GAS7: variants seen among roughly 807,000 people sequenced by gnomAD.
GAS7 encodes the protein growth arrest-specific protein 7.
In GAS7, 28 loss-of-function variants were observed where a neutral mutation model predicts 71.1. That is an observed-to-expected ratio of 0.39 (90% CI 0.29 to 0.54). The LOEUF (loss-of-function observed/expected upper bound fraction) is 0.54, where lower values mean the gene tolerates loss of function less well. GAS7 is among the 20% of genes least tolerant of loss of function. The pLI, the probability that GAS7 is intolerant of heterozygous loss-of-function variation, is 0.62. For missense variants in GAS7, 436 were observed against 627.8 expected (o/e 0.69, Z 3.27); for synonymous variants, 258 against 245.8 (o/e 1.05, Z -0.46).
In GAS7 at chr17:9,910,980, G is replaced by A. The variant is rs1597421327; in HGVS notation, c.*6248C>T. The A allele has an allele frequency of 4.3e-6, 1 of 232,582 alleles. No individual in the cohort carries two copies. Among genetic ancestry groups the A allele is most frequent in the East Asian group, 6.1e-5 (1 of 16,430 alleles). 14.4% of individuals were successfully genotyped at this position (232,582 alleles called of 1,614,324 possible). A position where few individuals can be genotyped will look rare whatever the true frequency, so the allele number is the denominator to read the frequency against. On this transcript the variant is annotated 3_prime_UTR_variant, in exon 14 of 14. Coordinates refer to ENST00000432992, the MANE Select transcript of GAS7 (RefSeq NM_201433.2). ...TACAGAAAACAGATCAAACAAGCAA[G>A]TTTATTTTGTTAGAAAATTCCACTT...
intron 1 of GAS7, among the ~76,000 whole-genome samples, chr17:10,077,418 G>A (rs1226702858): frequency 1.3e-5 from 2 of 152,204 alleles, no homozygotes; most frequent in African/African-American, 4.8e-5. Context: ...TAAATGGCAA[G>A]GACTTAGCAT....
chr17:9,986,494 C>A (rs370598067), intron 2 of GAS7, among the ~76,000 whole-genome samples: 3 of 152,292 alleles, frequency 2.0e-5, no homozygotes, highest in African/African-American at 7.2e-5. Flanking sequence ...TGCTGGTCCC[C>A]GTTCCTCTCC....
intron 1 of GAS7, among the ~76,000 whole-genome samples, chr17:10,144,306 C>T (rs573847463): frequency 5.5e-4 from 83 of 152,254 alleles, no homozygotes; most frequent in African/African-American, 2.0e-3. Context: ...CCCAGGAGGA[C>T]AGGTGAGCCT....
chr17:10,065,662 G>A (rs180980528), intron 1 of GAS7, among the ~76,000 whole-genome samples: 38 of 152,286 alleles, frequency 2.5e-4, no homozygotes, highest in African/African-American at 8.2e-4. Flanking sequence ...GATCCTTAAC[G>A]TCATTGTACC....
At chr17:9,968,671 C>T (rs887260) in intron 4 of GAS7, among the ~76,000 whole-genome samples, 72,360 of 152,010 alleles carry the variant, frequency 0.48, 17,297 homozygotes, top group African/African-American at 0.5. Flanking sequence ...TTAAGAACCA[C>T]GGTCTCAGAT....
In GAS7 at chr17:9,987,144, G is replaced by A. The variant is rs141875745; in HGVS notation, c.305-5260C>T. Among the ~76,000 whole-genome samples the A allele has an allele frequency of 2.4e-3, 359 of 152,280 alleles. 2 individuals are homozygous for A. Among genetic ancestry groups the A allele is most frequent in the African/African-American group, 7.9e-3 (330 of 41,560 alleles). ...TGAGACCCTTCTGCATTCTCTGGAC[G>A]TCCATCCCTGTGGTCTTAGGTCATC... On this transcript the variant is annotated intron_variant, in intron 2 of 13. Coordinates refer to ENST00000432992, the MANE Select transcript of GAS7 (RefSeq NM_201433.2).
chr17:9,992,873 C>T (rs937885955), intron 2 of GAS7, among the ~76,000 whole-genome samples: 5 of 151,034 alleles, frequency 3.3e-5, no homozygotes, highest in Non-Finnish European at 5.9e-5. Flanking sequence ...TTTGTCCTTG[C>T]GATAGTTTAC....
chr17:9,933,616 G>A (rs1597476192), intron 9 of GAS7, among the ~76,000 whole-genome samples: 1 of 152,128 alleles, frequency 6.6e-6, no homozygotes, highest in South Asian at 2.1e-4. Context: ...GTAGAGGCAG[G>A]AAGACTGCTT....
rs567665220 is a variant in GAS7, at chr17:10,115,936, A to G, written c.183+82272T>C. Among the ~76,000 whole-genome samples, 3 of 152,336 alleles carry G rather than the reference A, an allele frequency of 2.0e-5. No homozygotes were observed. The South Asian group carries it at 6.2e-4, about 32-fold the overall frequency. ...GCTCTCCCAAACAGATCATCCAACC[A>G]GGACTTCTGAGACTTAGAAGCCCTA... On this transcript the variant is annotated intron_variant, in intron 1 of 13. Transcript: ENST00000432992.
At chr17:10,189,733 G>A (rs904026224) in intron 1 of GAS7, among the ~76,000 whole-genome samples, 1 of 152,162 alleles carries the variant, frequency 6.6e-6, no homozygotes, top group Non-Finnish European at 1.5e-5. Flanking sequence ...GAGGCCAGGA[G>A]TTGGAGACCA....
intron 1 of GAS7, among the ~76,000 whole-genome samples, chr17:10,143,017 A>T (rs1458969082): frequency 6.9e-4 from 2 of 2,884 alleles, no homozygotes; most frequent in Non-Finnish European, 1.7e-3. Context: ...CTAAAAATAC[A>T]AAAAAAAAAA....
intron 3 of GAS7, among the ~76,000 whole-genome samples, chr17:9,978,303 T>C (rs866176241): frequency 1.3e-5 from 2 of 150,036 alleles, no homozygotes; most frequent in South Asian, 2.1e-4. Flanking sequence ...ATGGGGAAAA[T>C]GAGGCCTGGC....
rs566517413 is a variant in GAS7, at chr17:10,053,731, G to A, written c.184-33834C>T. On this transcript the variant is annotated intron_variant, in intron 1 of 13. Transcript: ENST00000432992. ...TCCTCCAGCCCTCTCCGCAGGTACCGACTCTGCCTGGAGGGGCACGGCAGT... is the reference window on the plus strand; with the variant it reads ...TCCTCCAGCCCTCTCCGCAGGTACCAACTCTGCCTGGAGGGGCACGGCAGT... Among the ~76,000 whole-genome samples the A allele has an allele frequency of 2.0e-5, 3 of 152,274 alleles. No individual in the cohort carries two copies. The South Asian group carries it at 6.2e-4, about 32-fold the overall frequency.
At chr17:10,188,146 G>A (rs2074470270) in intron 1 of GAS7, among the ~76,000 whole-genome samples, 1 of 152,028 alleles carries the variant, frequency 6.6e-6, no homozygotes, top group African/African-American at 2.4e-5. Flanking sequence ...GGGAGGCGGA[G>A]GCAGGGGAAT....
chr17:9,914,358 T>C lies in GAS7; in HGVS notation c.*2870A>G, dbSNP rs757814333. The stretch of plus-strand genomic sequence containing the variant: ...TCTACTGCCTCAGCCTGCCGAATAG[T>C]TGGGACTACAGGTGTGCACCACCAC... On this transcript the variant is annotated 3_prime_UTR_variant, in exon 14 of 14. Coordinates refer to ENST00000432992, the MANE Select transcript of GAS7 (RefSeq NM_201433.2). 23 of 182,524 alleles carry C rather than the reference T, an allele frequency of 1.3e-4. No homozygotes were observed. The highest frequency in any genetic ancestry group is 6.9e-4 in the Admixed American group (11 of 15,950). 11.3% of individuals were successfully genotyped at this position (182,524 alleles called of 1,614,324 possible). A position where few individuals can be genotyped will look rare whatever the true frequency, so the allele number is the denominator to read the frequency against.
chr17:10,186,273 C>T (rs533103508), intron 1 of GAS7, among the ~76,000 whole-genome samples: 25 of 152,020 alleles, frequency 1.6e-4, no homozygotes, highest in African/African-American at 5.8e-4. Context: ...TGCATTTTAA[C>T]AAGAGCCTCG....
intron 1 of GAS7, among the ~76,000 whole-genome samples, chr17:10,163,214 T>G (rs555691162): frequency 1.1e-4 from 17 of 152,210 alleles, no homozygotes; most frequent in African/African-American, 4.1e-4. Flanking sequence ...GGGTTCGAGC[T>G]ATTCTCCTGC....
At chr17:10,039,836 C>A (rs745432028) in intron 1 of GAS7, 2 of 433,848 alleles carry the variant, frequency 4.6e-6, no homozygotes, top group Admixed American at 2.6e-5. Context: ...GGGTGTGGCA[C>A]CCTCTGGGGC....
intron 1 of GAS7, among the ~76,000 whole-genome samples, chr17:10,151,323 G>C (rs191967519): frequency 3.3e-5 from 5 of 151,696 alleles, no homozygotes; most frequent in African/African-American, 1.2e-4. Flanking sequence ...TCGTTTGCTT[G>C]TTTTTGTTTT....
Sources: allele counts gnomAD v4.1 joint callset (sites outside exome capture counted in the v4.1 genomes callset), GRCh38; gene constraint gnomAD v4.1.1; transcripts MANE v1.5; gene names NCBI Gene and HGNC (gene_info 2026-07-23, HGNC 2026-07-21).